INPP5A: variants seen among roughly 807,000 people sequenced by gnomAD.
INPP5A encodes the protein inositol polyphosphate-5-phosphatase A.
A neutral mutation model predicts 65.2 loss-of-function variants in INPP5A; 14 were observed. The observed-to-expected ratio is 0.21, with a 90% CI of 0.14 to 0.34. The LOEUF (loss-of-function observed/expected upper bound fraction) is 0.34. INPP5A is among the 10% of genes least tolerant of loss of function. The probability of loss-of-function intolerance (pLI) is 1.00; values close to 1 mark genes in which losing one functional copy is unlikely to be tolerated. For synonymous variants in INPP5A, 207 were observed against 208.3 expected (o/e 0.99, Z 0.05); for missense variants, 431 against 545.6 (o/e 0.79, Z 2.09).
At chr10:132,725,304 C>T (rs534225202) in intron 8 of INPP5A, among the ~76,000 whole-genome samples, 1 of 152,258 alleles carries the variant, frequency 6.6e-6, no homozygotes, top group Non-Finnish European at 1.5e-5. Context: ...GTGACCTGCA[C>T]GGATGCTCCG....
At chr10:132,691,115 A>T (rs563698460) in intron 5 of INPP5A, among the ~76,000 whole-genome samples, 64 of 152,328 alleles carry the variant, frequency 4.2e-4, no homozygotes, top group African/African-American at 1.5e-3. Context: ...TGGAGCCACA[A>T]ACGATGTCGT....
rs116813289 is a variant in INPP5A at position 132,750,024 on chromosome 10, C to T, written c.903+179C>T. ...CACATATTGGGTGCGTCCGGCACCC[C>T]GGGCCAGGTTGGGTGGAGGCTCCGT... On this transcript the variant is annotated intron_variant, in intron 11 of 15. Transcript: ENST00000368594. 3.0e-3 allele frequency among the ~76,000 whole-genome samples: 452 copies of T among 152,344 alleles called. 3 individuals are homozygous for T. The highest frequency in any genetic ancestry group is 0.011 in the African/African-American group (439 of 41,582).
intron 9 of INPP5A, among the ~76,000 whole-genome samples, chr10:132,733,230 C>T (rs1476412552): frequency 6.6e-6 from 1 of 152,230 alleles, no homozygotes; most frequent in Non-Finnish European, 1.5e-5. Context: ...ACCTGCAAGG[C>T]CCCATTTCCA....
intron 9 of INPP5A, among the ~76,000 whole-genome samples, chr10:132,739,944 C>G (rs1590972674): frequency 6.6e-6 from 1 of 152,312 alleles, no homozygotes; most frequent in East Asian, 1.9e-4. Context: ...CAACGGGATG[C>G]CAGAGGACTC....
Position 132,629,130 on chromosome 10 carries a change from C to T in INPP5A, c.118-16738C>T, listed in dbSNP as rs74161903. Among the ~76,000 whole-genome samples, 688 of 152,208 alleles carry T rather than the reference C, an allele frequency of 4.5e-3. 5 individuals are homozygous for T. Among genetic ancestry groups the T allele is most frequent in the African/African-American group, 0.016 (653 of 41,520 alleles). ...ATTCCCATTCTTGGCCTCTGGGTGC[C>T]GAGGGTGGGTCCATTTGGCTGCCTG... is the stretch of plus-strand genomic sequence containing the variant. On this transcript the variant is annotated intron_variant, in intron 2 of 15. Transcript: ENST00000368594.
At chr10:132,593,488 T>TC (rs2071645040) in intron 1 of INPP5A, among the ~76,000 whole-genome samples, 1 of 152,132 alleles carries the variant, frequency 6.6e-6, no homozygotes, top group South Asian at 2.1e-4. Flanking sequence ...ATATTCTCCT[T>TC]CCTGAAGAAC....
intron 2 of INPP5A, among the ~76,000 whole-genome samples, chr10:132,610,163 G>A (rs1349645443): frequency 6.6e-6 from 1 of 152,318 alleles, no homozygotes; most frequent in East Asian, 1.9e-4. Context: ...CAGTGGCCAG[G>A]CTCTACCTGG....
At position 132,749,484 on chromosome 10, in the gene INPP5A, CT is replaced by C; in HGVS notation, c.733-32del. The C allele has an allele frequency of 3.7e-6, 6 of 1,604,466 alleles. No homozygotes were observed. In the South Asian group the frequency reaches 4.4e-5, roughly 12 times the overall value. ...CGCTGCCATGGGCAGGTGGGCCCCC[CT>C]GGGACTTATCTCCGTTGCTGTCTTT... On this transcript the variant is annotated intron_variant, in intron 9 of 15. Coordinates refer to ENST00000368594, the MANE Select transcript of INPP5A (RefSeq NM_005539.5).
At chr10:132,552,689 T>C (rs1310930786) in intron 1 of INPP5A, among the ~76,000 whole-genome samples, 50 of 131,400 alleles carry the variant, frequency 3.8e-4, no homozygotes, top group East Asian at 7.8e-4. Flanking sequence ...GGAGGGAGGA[T>C]TGGTGAACGC....
At chr10:132,780,747 C>G in intron 13 of INPP5A, 102 bp from the exon 14 acceptor site, 1 of 944,404 alleles carries the variant, frequency 1.1e-6, no homozygotes, top group Non-Finnish European at 1.7e-6. Context: ...ACATCCCCAT[C>G]TCTCTGCCCC....
In INPP5A at chr10:132,741,514, G is replaced by T. The variant is rs1846269294; in HGVS notation, c.733-8003G>T. Among the ~76,000 whole-genome samples the T allele has an allele frequency of 6.6e-6, 1 of 152,152 alleles. No homozygotes were observed. Among genetic ancestry groups the T allele is most frequent in the Non-Finnish European group, 1.5e-5 (1 of 68,030 alleles). On this transcript the variant is annotated intron_variant, in intron 9 of 15. Transcript: ENST00000368594. The surrounding 1 kb of genome is among the most constrained non-coding windows in gnomAD (Gnocchi z 4.4). The stretch of plus-strand genomic sequence containing the variant: ...GAGGATACCCCCGAATGAAGCTGGA[G>T]GCTGCTGTCCACTCCACAGAACCCT...
At chr10:132,774,600 C>T (rs1042084525) in intron 12 of INPP5A, among the ~76,000 whole-genome samples, 1 of 152,174 alleles carries the variant, frequency 6.6e-6, no homozygotes, top group Non-Finnish European at 1.5e-5. Context: ...CCTGTGCCGT[C>T]AGCCCTGCCC....
intron 11 of INPP5A, among the ~76,000 whole-genome samples, chr10:132,761,565 G>A (rs776876886): frequency 7.9e-5 from 12 of 151,904 alleles, no homozygotes; most frequent in Non-Finnish European, 1.6e-4. Context: ...GGCATGGCTG[G>A]TGGGGGACAG....
At position 132,551,228 on chromosome 10, in the gene INPP5A, G is replaced by A. The variant is rs1281851821; in HGVS notation, c.75+13057G>A. 6.6e-6 allele frequency among the ~76,000 whole-genome samples: 1 copy of A among 152,246 alleles called. No homozygotes were observed. Among genetic ancestry groups the A allele is most frequent in the Non-Finnish European group, 1.5e-5 (1 of 68,042 alleles). ...CTGCTGGCACTGTGAATGTTAGACTGCAGAGCTGAGTGGGGAGCCCCTTCC... is the reference window on the plus strand; with the variant it reads ...CTGCTGGCACTGTGAATGTTAGACTACAGAGCTGAGTGGGGAGCCCCTTCC... On this transcript the variant is annotated intron_variant, in intron 1 of 15. Transcript: ENST00000368594. This position sits in a 1 kb window ranked among gnomAD's most constrained non-coding sequence, Gnocchi z 5.3.
At chr10:132,578,930 G>A (rs945705332) in intron 1 of INPP5A, among the ~76,000 whole-genome samples, 1 of 152,202 alleles carries the variant, frequency 6.6e-6, no homozygotes, top group African/African-American at 2.4e-5. Flanking sequence ...CTGTGGTGCA[G>A]GGTAGAGGTC....
intron 8 of INPP5A, among the ~76,000 whole-genome samples, chr10:132,720,599 G>A (rs567255564): frequency 3.4e-5 from 5 of 147,934 alleles, no homozygotes; most frequent in East Asian, 4.2e-4. Flanking sequence ...CACCTTAGAC[G>A]GCTGTCTTCA....
At chr10:132,713,497 C>A (rs989023198) in intron 8 of INPP5A, among the ~76,000 whole-genome samples, 1 of 152,150 alleles carries the variant, frequency 6.6e-6, no homozygotes, top group African/African-American at 2.4e-5. Context: ...GCTCCCATCC[C>A]TGTGCTGTTA....
At chr10:132,548,792 C>CTTTTT (rs71013535) in intron 1 of INPP5A, among the ~76,000 whole-genome samples, 25 of 79,308 alleles carry the variant, frequency 3.2e-4, no homozygotes, top group Non-Finnish European at 4.3e-4. Context: ...GTTTATCTGG[C>CTTTTT]TTTTTTTTTT....
rs1410145658 is a variant in INPP5A, at chr10:132,538,601, T to C, written c.75+430T>C. Among the ~76,000 whole-genome samples, 1 of 151,990 alleles carries C rather than the reference T, an allele frequency of 6.6e-6. No individual in the cohort carries two copies. The highest frequency in any genetic ancestry group is 1.5e-5 in the Non-Finnish European group (1 of 67,968). On this transcript the variant is annotated intron_variant, in intron 1 of 15. Transcript: ENST00000368594. This position sits in a 1 kb window ranked among gnomAD's most constrained non-coding sequence, Gnocchi z 4.1. ...AGCCCCAGCCCTGATTTCCGAATCC[T>C]CAGAACCCTGGCCCTGGAATGCCCA...
Sources: gnomAD v4.1 joint callset for allele counts (sites outside exome capture counted in the v4.1 genomes callset) on GRCh38, gnomAD v4.1.1 for gene constraint, Gnocchi (gnomAD v3.1) non-coding constraint, MANE v1.5 for transcripts, NCBI Gene and HGNC (gene_info 2026-07-23, HGNC 2026-07-21) for gene names.